The following RFC3 variants were observed in gnomAD, a reference collection of about 807,000 sequenced individuals.
The protein encoded by RFC3 is A1 38 kDa subunit.
In RFC3, 41 loss-of-function variants were observed where a neutral mutation model predicts 45.1. The ratio of observed to expected loss-of-function variants is 0.91; its 90% CI spans 0.71 to 1.18. The LOEUF (loss-of-function observed/expected upper bound fraction) is 1.18. RFC3 is among the 50% of genes most tolerant of loss of function. The probability of loss-of-function intolerance (pLI) is 0.00; values close to 1 mark genes in which losing one functional copy is unlikely to be tolerated. For missense variants in RFC3, 423 were observed against 428.1 expected (o/e 0.99, Z 0.10); for synonymous variants, 149 against 144.0 (o/e 1.03, Z -0.25).
At chr13:33,886,284 C>T (rs1041972169) in intron 8 of RFC3, among the ~76,000 whole-genome samples, 5 of 152,110 alleles carry the variant, frequency 3.3e-5, no homozygotes, top group Non-Finnish European at 5.9e-5. Context: ...CAGTGGCTCA[C>T]GCCTGTAATC....
At chr13:33,877,099 C>T (rs1369379495) in intron 8 of RFC3, among the ~76,000 whole-genome samples, 1 of 152,142 alleles carries the variant, frequency 6.6e-6, no homozygotes, top group African/African-American at 2.4e-5. Context: ...CATGCATTAT[C>T]CAATTGGATT....
chr13:33,952,919 C>G (rs1360327161), intron 8 of RFC3, among the ~76,000 whole-genome samples: 3 of 152,192 alleles, frequency 2.0e-5, no homozygotes, highest in Non-Finnish European at 4.4e-5. Context: ...CAGAAGCTAC[C>G]TAGAAGATAT....
chr13:33,822,459 A>G (rs2082011996), intron 2 of RFC3, among the ~76,000 whole-genome samples: 2 of 152,212 alleles, frequency 1.3e-5, no homozygotes, highest in Non-Finnish European at 1.5e-5. Context: ...AATTATGAAA[A>G]AAGATTAGTG....
At chr13:33,898,768 AAG>A (rs983232880) in intron 8 of RFC3, among the ~76,000 whole-genome samples, 115 of 151,916 alleles carry the variant, frequency 7.6e-4, no homozygotes, top group African/African-American at 2.7e-3. Flanking sequence ...ACTAAGAAAA[AAG>A]AGAGAAAATC....
intron 8 of RFC3, chr13:33,835,464 A>ATTTCAGAGTG: frequency 1.5e-6 from 1 of 666,564 alleles, no homozygotes; most frequent in Non-Finnish European, 2.8e-6. Flanking sequence ...AAAGAAGAGA[A>ATTTCAGAGTG]TTTCAGAGTG....
chr13:33,822,692 C>A (rs1322966764), intron 2 of RFC3, among the ~76,000 whole-genome samples: 1 of 152,072 alleles, frequency 6.6e-6, no homozygotes, highest in Non-Finnish European at 1.5e-5. Context: ...GTCCCTATGA[C>A]ATACAATTTA....
chr13:33,872,518 G>A (rs1408480339), intron 8 of RFC3, among the ~76,000 whole-genome samples: 2 of 152,204 alleles, frequency 1.3e-5, no homozygotes, highest in African/African-American at 4.8e-5. Context: ...CGGATCACCT[G>A]AGGTCGGGAG....
intron 8 of RFC3, among the ~76,000 whole-genome samples, chr13:33,872,861 G>A (rs2082421607): frequency 7.2e-6 from 1 of 139,284 alleles, no homozygotes; most frequent in African/African-American, 2.7e-5. Context: ...TTGAATGAAT[G>A]AGTGAATCAT....
At chr13:33,975,450 A>G in the RFC3 span, among the ~76,000 whole-genome samples, 72 of 152,366 alleles carry the variant, frequency 4.7e-4, 2 homozygotes, top group African/African-American at 1.7e-3. Flanking sequence ...ACTATTCCAT[A>G]TAATATTCTA....
intron 8 of RFC3, among the ~76,000 whole-genome samples, chr13:33,937,240 G>A (rs187008708): frequency 3.3e-5 from 5 of 152,188 alleles, no homozygotes; most frequent in East Asian, 3.9e-4. Context: ...TACAATTGCC[G>A]ATAACATTCA....
chr13:33,849,630 C>A (rs915410955), intron 8 of RFC3: 2 of 151,882 alleles, frequency 1.3e-5, no homozygotes, highest in African/African-American at 4.8e-5. Flanking sequence ...TGCCTGTAAT[C>A]CCAAAGGAGG....
At chr13:33,969,553 C>T (rs1184336510), downstream of RFC3, among the ~76,000 whole-genome samples, 2 of 152,132 alleles carry the variant, frequency 1.3e-5, no homozygotes, top group Non-Finnish European at 2.9e-5. Context: ...CAAAGTGGCA[C>T]CATTTTTTAC....
chr13:33,830,651 A>G (rs1344742058), intron 5 of RFC3, 68 bp from the exon 6 acceptor site: 6 of 1,289,130 alleles, frequency 4.7e-6, no homozygotes, highest in Admixed American at 1.9e-5. Context: ...GTCTAGGAGG[A>G]TATCAACAGA....
At chr13:33,900,030 G>C (rs9539123) in intron 8 of RFC3, among the ~76,000 whole-genome samples, 2,346 of 151,834 alleles carry the variant, frequency 0.015, 29 homozygotes, top group Middle Eastern at 0.041. Flanking sequence ...AAATGGAAGA[G>C]AACACAAAAA....
intron 8 of RFC3, among the ~76,000 whole-genome samples, chr13:33,886,220 C>T (rs115899935): frequency 0.012 from 1,896 of 152,222 alleles, 36 homozygotes; most frequent in African/African-American, 0.044. Context: ...CATGCCTGAA[C>T]TACCCTAGAA....
chr13:33,962,198 AT>A (rs1260328644), intron 8 of RFC3, among the ~76,000 whole-genome samples: 4 of 152,160 alleles, frequency 2.6e-5, no homozygotes, highest in African/African-American at 9.7e-5. Context: ...GCCACTTCAA[AT>A]CCTAATTTGA....
intron 8 of RFC3, among the ~76,000 whole-genome samples, chr13:33,936,900 A>G (rs946784731): frequency 4.6e-5 from 7 of 152,180 alleles, no homozygotes; most frequent in Non-Finnish European, 1.0e-4. Flanking sequence ...TAGAAATTGT[A>G]TAATTGACAT....
intron 8 of RFC3, chr13:33,848,314 T>C (rs7981683): frequency 0.88 from 134,397 of 152,224 alleles, 59,702 homozygotes; most frequent in Non-Finnish European, 0.94. Context: ...TATTCAATGA[T>C]CAGCTTAATA....
At chr13:33,832,619 A>G (rs572714452) in intron 7 of RFC3, among the ~76,000 whole-genome samples, 11 of 152,304 alleles carry the variant, frequency 7.2e-5, no homozygotes, top group African/African-American at 2.6e-4. Context: ...ACCAAATGTT[A>G]TAAGTAGTCT....
Sources: gnomAD v4.1 joint callset for allele counts (sites outside exome capture counted in the v4.1 genomes callset) on GRCh38, gnomAD v4.1.1 for gene constraint, MANE v1.5 for transcripts, NCBI Gene and HGNC (gene_info 2026-07-23, HGNC 2026-07-21) for gene names.